Variants in MAGI2 observed in about 807,000 individuals in gnomAD.
The protein encoded by MAGI2 is membrane associated guanylate kinase, WW and PDZ domain containing 2.
Under a neutral mutation model 133.3 loss-of-function variants are expected in MAGI2, and 35 were observed. The ratio of observed to expected loss-of-function variants is 0.26; its 90% CI spans 0.20 to 0.35. The LOEUF (loss-of-function observed/expected upper bound fraction) is 0.35, where lower values mean the gene tolerates loss of function less well. Among genes scored for constraint, MAGI2 ranks in the 10% least tolerant of loss-of-function variants. MAGI2 has a pLI of 1.00. For missense variants in MAGI2, 1,636 were observed against 1,863.4 expected, an observed-to-expected ratio of 0.88 and a Z score of 2.25; for synonymous variants, 729 against 710.6, an observed-to-expected ratio of 1.03 and a Z score of -0.41.
intron 4 of MAGI2, among the ~76,000 whole-genome samples, chr7:78,515,526 T>C (rs1438289331): frequency 6.6e-6 from 1 of 152,132 alleles, no homozygotes; most frequent in Non-Finnish European, 1.5e-5. Flanking sequence ...CAAGATTGAC[T>C]AAAAAATAAA....
At chr7:78,564,960 A>AT (rs1290644210) in intron 3 of MAGI2, among the ~76,000 whole-genome samples, 3 of 151,144 alleles carry the variant, frequency 2.0e-5, no homozygotes, top group Non-Finnish European at 4.4e-5. Context: ...CGCCCAGCTA[A>AT]TTTTTTGTGT....
intron 2 of MAGI2, among the ~76,000 whole-genome samples, chr7:78,950,957 C>G (rs1801824479): frequency 6.6e-6 from 1 of 151,400 alleles, no homozygotes; most frequent in East Asian, 1.9e-4. Flanking sequence ...GTCTCTCCCA[C>G]CCTAACGTTA....
intron 1 of MAGI2, among the ~76,000 whole-genome samples, chr7:79,449,625 A>G (rs1430457025): frequency 6.6e-6 from 1 of 151,932 alleles, no homozygotes; most frequent in Non-Finnish European, 1.5e-5. Context: ...TGCATTAACG[A>G]GATCATAGAA....
chr7:78,041,856 G>T (rs1472316888), intron 21 of MAGI2, among the ~76,000 whole-genome samples: 1 of 152,124 alleles, frequency 6.6e-6, no homozygotes, highest in Non-Finnish European at 1.5e-5. Flanking sequence ...AAGACTGACA[G>T]AACCCTACTC....
intron 21 of MAGI2, among the ~76,000 whole-genome samples, chr7:78,053,084 T>C (rs1336693371): frequency 6.6e-6 from 1 of 152,202 alleles, no homozygotes; most frequent in African/African-American, 2.4e-5. Flanking sequence ...AGAGAATTAT[T>C]TTACCTCTTT....
chr7:78,667,038 CTTT>C (rs1683783354), intron 2 of MAGI2, among the ~76,000 whole-genome samples: 1 of 152,128 alleles, frequency 6.6e-6, no homozygotes, highest in African/African-American at 2.4e-5. Flanking sequence ...TTTAATTAAA[CTTT>C]TTATTTTAAG....
chr7:78,540,854 T>C (rs1358835759), intron 3 of MAGI2, among the ~76,000 whole-genome samples: 1 of 152,224 alleles, frequency 6.6e-6, no homozygotes, highest in African/African-American at 2.4e-5. Flanking sequence ...TACACCCTTC[T>C]CCTGTGATCT....
chr7:79,286,802 C>A (rs1836038267), intron 1 of MAGI2, among the ~76,000 whole-genome samples: 3 of 152,028 alleles, frequency 2.0e-5, no homozygotes. Context: ...CCATTAGCTT[C>A]TCAGCCCAAT....
intron 1 of MAGI2, among the ~76,000 whole-genome samples, chr7:79,138,212 A>G (rs557714368): frequency 4.1e-4 from 62 of 152,142 alleles, no homozygotes; most frequent in Non-Finnish European, 7.5e-4. Context: ...CATTTGTGGT[A>G]ATTTTTTTTC....
chr7:78,166,308 C>T (rs1344601874), intron 15 of MAGI2, among the ~76,000 whole-genome samples: 1 of 152,140 alleles, frequency 6.6e-6, no homozygotes, highest in Non-Finnish European at 1.5e-5. Context: ...AATCAGGTAT[C>T]TTTTTAATTT....
chr7:79,129,329 A>T (rs1820706486), intron 1 of MAGI2, among the ~76,000 whole-genome samples: 1 of 152,222 alleles, frequency 6.6e-6, no homozygotes, highest in Non-Finnish European at 1.5e-5. Context: ...TCACGTTTGC[A>T]CCATCATGCC....
intron 3 of MAGI2, among the ~76,000 whole-genome samples, chr7:78,603,263 C>T (rs914824906): frequency 6.6e-6 from 1 of 152,186 alleles, no homozygotes; most frequent in Admixed American, 6.5e-5. Context: ...ACATAATTAG[C>T]TTACATGTTT....
intron 1 of MAGI2, among the ~76,000 whole-genome samples, chr7:79,111,376 T>C (rs569745505): frequency 1.3e-5 from 2 of 152,330 alleles, no homozygotes; most frequent in East Asian, 3.9e-4. Context: ...ATATTACAAA[T>C]GTCTGTTATG....
At chr7:78,527,006 CAAAAAAAAAAAAAAAAAAAA>C (rs55707442) in intron 3 of MAGI2, among the ~76,000 whole-genome samples, 3 of 45,412 alleles carry the variant, frequency 6.6e-5, no homozygotes, top group African/African-American at 2.1e-4. Context: ...GACTCCATCT[CAAAAAAAAAAAAAAAAAAAA>C]AAAAAAAAGA....
intron 2 of MAGI2, among the ~76,000 whole-genome samples, chr7:78,919,292 C>A (rs1055411878): frequency 1.3e-5 from 2 of 152,020 alleles, no homozygotes; most frequent in African/African-American, 4.8e-5. Flanking sequence ...GAAGAGTAAG[C>A]AAGTGTATGA....
intron 19 of MAGI2, among the ~76,000 whole-genome samples, chr7:78,126,164 C>A (rs1329086657): frequency 2.7e-5 from 4 of 150,812 alleles, no homozygotes; most frequent in Admixed American, 6.6e-5. Flanking sequence ...CTCTCATTCA[C>A]TGCTATTGAG....
chr7:78,407,003 T>C (rs1356066817), intron 6 of MAGI2, among the ~76,000 whole-genome samples: 2 of 152,090 alleles, frequency 1.3e-5, no homozygotes, highest in Admixed American at 6.6e-5. Flanking sequence ...AAAAATCCTC[T>C]TCTGAAGAAG....
intron 2 of MAGI2, among the ~76,000 whole-genome samples, chr7:78,830,056 TATTAAC>T (rs2151440429): frequency 6.6e-6 from 1 of 152,242 alleles, no homozygotes; most frequent in Non-Finnish European, 1.5e-5. Flanking sequence ...CATAATTTTC[TATTAAC>T]ATTTCCATAA....
rs569699574 is a variant in MAGI2 at position 78,644,355 on chromosome 7, T to C, written c.419-17116A>G. On this transcript the variant is annotated intron_variant, in intron 2 of 21. Transcript: ENST00000354212. ...GACATTTATAGAACACTTAACAATA[T>C]ACACTATTTTTAATTGCACATGAAA... 1.1e-4 allele frequency among the ~76,000 whole-genome samples: 16 copies of C among 152,230 alleles called. No individual in the cohort carries two copies. In the South Asian group the frequency reaches 3.3e-3, roughly 32 times the overall value.
Sources: allele counts gnomAD v4.1 joint callset (sites outside exome capture counted in the v4.1 genomes callset), GRCh38; gene constraint gnomAD v4.1.1; transcripts MANE v1.5; gene names NCBI Gene and HGNC (gene_info 2026-07-23, HGNC 2026-07-21).